The following OPN3 variants were observed in gnomAD, a reference collection of about 807,000 sequenced individuals.
OPN3 encodes the protein opsin-3.
OPN3 carries 29 observed loss-of-function variants against 33.8 expected under a neutral mutation model. The ratio of observed to expected loss-of-function variants is 0.86; its 90% CI spans 0.64 to 1.17. The LOEUF is 1.17. OPN3 is among the 50% of genes most tolerant of loss of function. OPN3 has a pLI of 0.00. For synonymous variants in OPN3, 216 were observed against 216.1 expected, an observed-to-expected ratio of 1.00 and a Z score of 0.00; for missense variants, 437 against 514.1, an observed-to-expected ratio of 0.85 and a Z score of 1.45.
At chr1:241,631,275 A>T (rs1664623776) in intron 1 of OPN3, 1 of 152,066 alleles carries the variant, frequency 6.6e-6, no homozygotes, top group South Asian at 2.1e-4. Context: ...TATTTCCATT[A>T]TATTCGGCTA....
chr1:241,615,205 T>C (rs1360597553), intron 1 of OPN3, among the ~76,000 whole-genome samples: 1 of 113,996 alleles, frequency 8.8e-6, no homozygotes, highest in Non-Finnish European at 1.8e-5. Flanking sequence ...GGCCAAAGTC[T>C]AAAAAAAAAA....
chr1:241,621,327 G>C (rs1664264093), intron 1 of OPN3, among the ~76,000 whole-genome samples: 1 of 152,146 alleles, frequency 6.6e-6, no homozygotes, highest in South Asian at 2.1e-4. Context: ...ACAGTCATAA[G>C]TCAAGGGACA....
intron 1 of OPN3, among the ~76,000 whole-genome samples, chr1:241,636,246 T>C (rs558360670): frequency 6.6e-6 from 1 of 152,246 alleles, no homozygotes; most frequent in Admixed American, 6.5e-5. Flanking sequence ...GAATGGACAA[T>C]AGAGATATAA....
At chr1:241,605,555 G>A (rs1276578245) in intron 1 of OPN3, among the ~76,000 whole-genome samples, 6 of 152,244 alleles carry the variant, frequency 3.9e-5, no homozygotes, top group Non-Finnish European at 5.9e-5. Flanking sequence ...CTATGTGCCA[G>A]GCACTGTGCA....
chr1:241,607,943 A>C (rs1663886344), intron 1 of OPN3, among the ~76,000 whole-genome samples: 2 of 152,222 alleles, frequency 1.3e-5, no homozygotes, highest in South Asian at 4.1e-4. Context: ...TACCTTATTA[A>C]ATTTTTATCT....
chr1:241,604,327 C>T lies in OPN3; in HGVS notation c.626G>A (p.Gly209Asp), dbSNP rs1663761702. The part of the protein sequence containing the change: ...DSSFVLFLFL[G>D]CLVVPLGVIA... ...GACACCCAGGGGCACCACCAGGCAGCCAAGAAATAAGAAAAGCACAAAGGA... is the reference window on the plus strand; with the variant it reads ...GACACCCAGGGGCACCACCAGGCAGTCAAGAAATAAGAAAAGCACAAAGGA... Residue 209 changes from glycine to aspartate, a missense_variant, in exon 2 of 4, where the codon GGC (glycine) becomes GAC (aspartate). By Grantham distance (94) the Gly-to-Asp change is moderately conservative (BLOSUM62 -1). Coordinates refer to ENST00000366554, the MANE Select transcript of OPN3 (RefSeq NM_014322.3). 6.2e-7 allele frequency: 1 copy of T among 1,614,026 alleles called. No homozygotes were observed.
At chr1:241,626,901 T>A (rs921166203) in intron 1 of OPN3, among the ~76,000 whole-genome samples, 1 of 152,174 alleles carries the variant, frequency 6.6e-6, no homozygotes, top group African/African-American at 2.4e-5. Context: ...AGGATTAAAC[T>A]ATAAAATGCC....
intron 1 of OPN3, among the ~76,000 whole-genome samples, chr1:241,638,941 G>T (rs970242868): frequency 3.3e-5 from 5 of 152,136 alleles, no homozygotes; most frequent in Non-Finnish European, 5.9e-5. Context: ...TAAGCCTTGA[G>T]AAATACACAT....
At chr1:241,624,585 T>C (rs1456444527) in intron 1 of OPN3, among the ~76,000 whole-genome samples, 1 of 152,236 alleles carries the variant, frequency 6.6e-6, no homozygotes, top group Non-Finnish European at 1.5e-5. Context: ...GGCTTGAGCG[T>C]TCCAGTACTT....
At chr1:241,600,406 G>T (rs2147997937) in intron 2 of OPN3, 1 of 152,188 alleles carries the variant, frequency 6.6e-6, no homozygotes, top group African/African-American at 2.4e-5. Context: ...TTTGAGGATA[G>T]TTTTCAAAAT....
At chr1:241,613,955 G>T (rs1664060035) in intron 1 of OPN3, 1 of 152,178 alleles carries the variant, frequency 6.6e-6, no homozygotes, top group South Asian at 2.1e-4. Context: ...ATCACCTGAG[G>T]TCAGGAGTTT....
Position 241,594,478 on chromosome 1 carries a change from C to A in OPN3, c.1159G>T (p.Asp387Tyr). ...SDESLSVDDSDKTNGSKVDVI... is the reference protein window; with the variant it reads ...SDESLSVDDSYKTNGSKVDVI... Reference sequence around the variant, plus strand: ...TCAACTTTGGACCCATTGGTTTTGTCGCTGTCGTCAACTGACAGTGATTCA... The same window carrying A: ...TCAACTTTGGACCCATTGGTTTTGTAGCTGTCGTCAACTGACAGTGATTCA... Residue 387 changes from aspartate (D) to tyrosine (Y), a missense_variant, in exon 4 of 4, where the codon GAC (aspartate) becomes TAC (tyrosine). Transcript: ENST00000366554. 1.2e-6 allele frequency: 2 copies of A among 1,614,058 alleles called. No homozygotes were observed. Among genetic ancestry groups the A allele is most frequent in the Non-Finnish European group, 1.7e-6 (2 of 1,179,978 alleles).
chr1:241,615,927 C>T (rs1053857260), intron 1 of OPN3: 1 of 456,724 alleles, frequency 2.2e-6, no homozygotes, highest in East Asian at 7.0e-5. Flanking sequence ...CTGAAGCTGG[C>T]TGATCCAACC....
intron 3 of OPN3, chr1:241,595,238 C>G (rs973512792): frequency 1.1e-4 from 16 of 152,312 alleles, no homozygotes; most frequent in African/African-American, 3.1e-4. Flanking sequence ...AAACATTGTT[C>G]TTCTCCGTGT....
At chr1:241,634,810 C>G in intron 1 of OPN3, 1 of 1,613,752 alleles carries the variant, frequency 6.2e-7, no homozygotes, top group Non-Finnish European at 8.5e-7. Flanking sequence ...AAAATGAACA[C>G]TGCCTGAAAG....
rs757667040 is a variant in OPN3, at chr1:241,634,149, C to T, written c.373+5733G>A. 3.7e-5 allele frequency: 59 copies of T among 1,613,190 alleles called. No homozygotes were observed. Among genetic ancestry groups the T allele is most frequent in the Non-Finnish European group, 4.5e-5 (53 of 1,179,736 alleles). ...AGTCTTGGCTTTGTAAGTTCTTCCTCGTTTATTTCTGTTTCAGTATACGGA... is the reference window on the plus strand; with the variant it reads ...AGTCTTGGCTTTGTAAGTTCTTCCTTGTTTATTTCTGTTTCAGTATACGGA... On this transcript the variant is annotated intron_variant, in intron 1 of 3. Coordinates refer to ENST00000366554, the MANE Select transcript of OPN3 (RefSeq NM_014322.3).
At chr1:241,615,205 T>TAAAAAA (rs56262278) in intron 1 of OPN3, among the ~76,000 whole-genome samples, 51 of 113,992 alleles carry the variant, frequency 4.5e-4, no homozygotes, top group African/African-American at 1.7e-3. Context: ...GGCCAAAGTC[T>TAAAAAA]AAAAAAAAAA....
intron 1 of OPN3, among the ~76,000 whole-genome samples, chr1:241,607,611 GGGAA>G (rs1182591972): frequency 1.1e-4 from 16 of 140,578 alleles, no homozygotes; most frequent in African/African-American, 4.0e-4. Flanking sequence ...AGAGAAAGGA[GGGAA>G]GGAAGGAAGA....
intron 1 of OPN3, chr1:241,629,911 C>T (rs1174274847): frequency 6.6e-6 from 1 of 152,014 alleles, no homozygotes; most frequent in Non-Finnish European, 1.5e-5. Context: ...GAGAGCAAGG[C>T]TCCCATTTTT....
Sources: allele counts gnomAD v4.1 joint callset (sites outside exome capture counted in the v4.1 genomes callset), GRCh38; gene constraint gnomAD v4.1.1; transcripts MANE v1.5; gene names NCBI Gene and HGNC (gene_info 2026-07-23, HGNC 2026-07-21).